Variants in EPHA6 observed in about 807,000 individuals in gnomAD.
The protein encoded by EPHA6 is ephrin type-A receptor 6.
A neutral mutation model predicts 112.0 loss-of-function variants in EPHA6; 50 were observed. The observed-to-expected ratio is 0.45, with a 90% CI of 0.36 to 0.56. EPHA6 has a LOEUF of 0.56. Ranked by LOEUF, EPHA6 falls within the 20% of genes least tolerant of loss-of-function variation. The pLI is 0.00. For missense variants in EPHA6, 1,280 were observed against 1,417.4 expected, an observed-to-expected ratio of 0.90 and a Z score of 1.56; for synonymous variants, 529 against 490.7, an observed-to-expected ratio of 1.08 and a Z score of -1.03.
intron 2 of EPHA6, among the ~76,000 whole-genome samples, chr3:96,964,868 G>C (rs993117356): frequency 2.0e-5 from 3 of 152,094 alleles, no homozygotes; most frequent in Non-Finnish European, 4.4e-5. Flanking sequence ...TTCATCAATA[G>C]TATTGTCAAA....
intron 5 of EPHA6, among the ~76,000 whole-genome samples, chr3:97,352,879 C>A (rs1023978740): frequency 6.6e-6 from 1 of 152,054 alleles, no homozygotes; most frequent in Admixed American, 6.6e-5. Context: ...AGGAGAGACT[C>A]CTTCCTTCAG....
intron 5 of EPHA6, among the ~76,000 whole-genome samples, chr3:97,278,717 T>A (rs1293500142): frequency 2.6e-5 from 4 of 152,136 alleles, no homozygotes; most frequent in African/African-American, 9.7e-5. Flanking sequence ...AATACAGGAA[T>A]AACAGAGTAA....
chr3:97,659,430 T>A (rs2094156099), intron 14 of EPHA6, among the ~76,000 whole-genome samples: 1 of 151,910 alleles, frequency 6.6e-6, no homozygotes, highest in Non-Finnish European at 1.5e-5. Flanking sequence ...ATTGAAGAGA[T>A]GATGAAAATG....
At chr3:97,648,256 A>T in intron 14 of EPHA6, 1 of 837,682 alleles carries the variant, frequency 1.2e-6, no homozygotes, top group East Asian at 2.4e-5. Context: ...TTCTGTTAAC[A>T]TCTTAATTCT....
At chr3:97,344,927 A>G (rs1380858222) in intron 5 of EPHA6, among the ~76,000 whole-genome samples, 1 of 152,140 alleles carries the variant, frequency 6.6e-6, no homozygotes, top group African/African-American at 2.4e-5. Flanking sequence ...AAAAGAAGGA[A>G]GGAGAAAGAA....
At chr3:97,445,264 C>T (rs1433826426) in intron 6 of EPHA6, among the ~76,000 whole-genome samples, 1 of 152,102 alleles carries the variant, frequency 6.6e-6, no homozygotes. Flanking sequence ...AGCCGACAAG[C>T]ATTAGTGCAC....
chr3:97,563,542 G>T (rs1025269305), intron 11 of EPHA6, among the ~76,000 whole-genome samples: 3 of 152,172 alleles, frequency 2.0e-5, no homozygotes, highest in Admixed American at 1.3e-4. Context: ...TGAATGGAGA[G>T]TGACATTATC....
intron 10 of EPHA6, among the ~76,000 whole-genome samples, chr3:97,516,372 GT>G (rs1381031099): frequency 6.6e-6 from 1 of 152,152 alleles, no homozygotes; most frequent in Non-Finnish European, 1.5e-5. Flanking sequence ...GAACCTCTCT[GT>G]GAAGTTGAAT....
At chr3:96,925,137 G>C (rs2039967756) in intron 2 of EPHA6, among the ~76,000 whole-genome samples, 1 of 152,126 alleles carries the variant, frequency 6.6e-6, no homozygotes, top group Non-Finnish European at 1.5e-5. Context: ...ATATGTTTTG[G>C]TATCAAGATG....
At chr3:97,380,027 A>C (rs1438191884) in intron 5 of EPHA6, among the ~76,000 whole-genome samples, 1 of 152,176 alleles carries the variant, frequency 6.6e-6, no homozygotes, top group African/African-American at 2.4e-5. Flanking sequence ...TAAAGCAGTG[A>C]AACAGGAGTT....
chr3:97,469,065 A>T (rs1446803720), intron 7 of EPHA6, among the ~76,000 whole-genome samples: 1 of 151,776 alleles, frequency 6.6e-6, no homozygotes, highest in Non-Finnish European at 1.5e-5. Flanking sequence ...TTGTCCTTTC[A>T]AATAAAATAT....
intron 3 of EPHA6, among the ~76,000 whole-genome samples, chr3:97,080,591 T>G (rs767516584): frequency 2.0e-4 from 30 of 152,082 alleles, no homozygotes; most frequent in Non-Finnish European, 3.4e-4. Context: ...TGAAGAAATA[T>G]AGTTGATGAC....
intron 10 of EPHA6, among the ~76,000 whole-genome samples, chr3:97,489,289 A>T (rs1047910449): frequency 2.0e-5 from 3 of 152,250 alleles, no homozygotes; most frequent in African/African-American, 7.2e-5. Flanking sequence ...AATAATATTT[A>T]TGATTTTCAG....
intron 2 of EPHA6, among the ~76,000 whole-genome samples, chr3:96,868,236 A>G (rs986272938): frequency 4.6e-5 from 7 of 150,896 alleles, no homozygotes; most frequent in African/African-American, 1.7e-4. Flanking sequence ...GAACAGTAGA[A>G]TGGATAGGTG....
chr3:97,481,240 T>C, intron 9 of EPHA6: 1 of 1,411,598 alleles, frequency 7.1e-7, no homozygotes, highest in Non-Finnish European at 1.0e-6. Context: ...TTTGGACTTT[T>C]AGATCACGTA....
chr3:97,391,064 C>T (rs1219991214), intron 5 of EPHA6, among the ~76,000 whole-genome samples: 1 of 151,982 alleles, frequency 6.6e-6, no homozygotes, highest in Non-Finnish European at 1.5e-5. Context: ...CAAACTCTCA[C>T]CATTTTGAAA....
chr3:96,832,155 A>G (rs1559757201), intron 1 of EPHA6, among the ~76,000 whole-genome samples: 1 of 152,100 alleles, frequency 6.6e-6, no homozygotes, highest in African/African-American at 2.4e-5. Flanking sequence ...GCGTATATCT[A>G]ATCACTTCAC....
intron 3 of EPHA6, among the ~76,000 whole-genome samples, chr3:97,040,955 C>A (rs983936402): frequency 6.6e-6 from 1 of 152,006 alleles, no homozygotes; most frequent in Non-Finnish European, 1.5e-5. Flanking sequence ...GAATCTTTAC[C>A]CTTATCCAGA....
chr3:97,239,699 G>T (rs944348362), intron 4 of EPHA6, among the ~76,000 whole-genome samples: 4 of 151,768 alleles, frequency 2.6e-5, no homozygotes, highest in Non-Finnish European at 5.9e-5. Flanking sequence ...AGAAAGAAGG[G>T]CTTGTTCTTT....
Sources: gnomAD v4.1 joint callset for allele counts (sites outside exome capture counted in the v4.1 genomes callset) on GRCh38, gnomAD v4.1.1 for gene constraint, MANE v1.5 for transcripts, NCBI Gene and HGNC (gene_info 2026-07-23, HGNC 2026-07-21) for gene names.